CSMD1: variants seen among roughly 807,000 people sequenced by gnomAD.
CSMD1 encodes the protein CUB and Sushi multiple domains 1.
Under a neutral mutation model 417.5 loss-of-function variants are expected in CSMD1, and 213 were observed. The ratio of observed to expected loss-of-function variants is 0.51; its 90% CI spans 0.46 to 0.57. The LOEUF (loss-of-function observed/expected upper bound fraction) is 0.57. Ranked by LOEUF, CSMD1 falls within the 20% of genes least tolerant of loss-of-function variation. The probability of loss-of-function intolerance (pLI) is 0.00; values close to 1 mark genes in which losing one functional copy is unlikely to be tolerated. For synonymous variants in CSMD1, 2,862 were observed against 1,736.8 expected (o/e 1.65, Z -16.11); for missense variants, 6,923 against 4,529.7 (o/e 1.53, Z -15.17).
intron 3 of CSMD1, among the ~76,000 whole-genome samples, chr8:4,293,485 C>G (rs1189237570): frequency 6.6e-6 from 1 of 152,154 alleles, no homozygotes; most frequent in Non-Finnish European, 1.5e-5. Context: ...ATATCTAGCT[C>G]AGTATGCGTT....
intron 26 of CSMD1, among the ~76,000 whole-genome samples, chr8:3,240,960 T>C (rs1479330953): frequency 4.0e-5 from 6 of 151,778 alleles, no homozygotes; most frequent in African/African-American, 1.5e-4. Context: ...GGATGGGATA[T>C]TGGCATTGAG....
intron 3 of CSMD1, among the ~76,000 whole-genome samples, chr8:4,249,833 G>A (rs1056809097): frequency 6.6e-6 from 1 of 152,130 alleles, no homozygotes; most frequent in East Asian, 1.9e-4. Context: ...TGGTGCTGTG[G>A]TTTGAATGTG....
At chr8:2,976,405 C>T (rs1804931369) in intron 55 of CSMD1, among the ~76,000 whole-genome samples, 1 of 152,112 alleles carries the variant, frequency 6.6e-6, no homozygotes, top group Non-Finnish European at 1.5e-5. Context: ...GTTTGCTGGC[C>T]AGCCTGGAGT....
intron 2 of CSMD1, among the ~76,000 whole-genome samples, chr8:4,433,987 A>C (rs540236103): frequency 2.0e-5 from 3 of 152,216 alleles, no homozygotes. Context: ...TTTTCTCTTC[A>C]GCCTCAAGAT....
At chr8:2,976,745 G>T (rs1028256596) in intron 55 of CSMD1, among the ~76,000 whole-genome samples, 1 of 152,160 alleles carries the variant, frequency 6.6e-6, no homozygotes, top group Admixed American at 6.5e-5. Context: ...AGACTAAAGA[G>T]AGTAACACCT....
chr8:3,758,099 G>A (rs1797767703), intron 5 of CSMD1, among the ~76,000 whole-genome samples: 1 of 151,994 alleles, frequency 6.6e-6, no homozygotes, highest in African/African-American at 2.4e-5. Flanking sequence ...GAGTAGCTGG[G>A]ATTACAGGCA....
intron 3 of CSMD1, among the ~76,000 whole-genome samples, chr8:4,186,793 C>T (rs1372139143): frequency 1.3e-5 from 2 of 151,102 alleles, no homozygotes; most frequent in African/African-American, 4.9e-5. Context: ...TCAAGACCAG[C>T]CTGGTCTACA....
intron 1 of CSMD1, among the ~76,000 whole-genome samples, chr8:4,916,437 G>T (rs1017805621): frequency 1.3e-5 from 2 of 152,210 alleles, no homozygotes; most frequent in Non-Finnish European, 2.9e-5. Context: ...TCATTTACAT[G>T]AAATCAATTG....
intron 10 of CSMD1, among the ~76,000 whole-genome samples, chr8:3,522,289 C>G (rs1190845178): frequency 6.6e-6 from 1 of 152,042 alleles, no homozygotes; most frequent in Non-Finnish European, 1.5e-5. Context: ...TTTTTATTGG[C>G]AACTACGAAG....
intron 5 of CSMD1, among the ~76,000 whole-genome samples, chr8:3,928,421 C>A (rs1206984975): frequency 2.6e-5 from 4 of 152,112 alleles, no homozygotes; most frequent in Non-Finnish European, 5.9e-5. Context: ...AGCAATGAGT[C>A]CTAACTTTTC....
intron 3 of CSMD1, among the ~76,000 whole-genome samples, chr8:4,096,534 G>A (rs1351886771): frequency 4.6e-5 from 7 of 151,798 alleles, no homozygotes; most frequent in African/African-American, 1.5e-4. Context: ...AACTGAGAAT[G>A]TTAAATCCTT....
chr8:3,094,972 T>C (rs1167272464), intron 47 of CSMD1, among the ~76,000 whole-genome samples: 1 of 152,144 alleles, frequency 6.6e-6, no homozygotes, highest in East Asian at 1.9e-4. Flanking sequence ...TTCTGATAAT[T>C]TTGACAGCAA....
chr8:4,185,331 C>G (rs896309412), intron 3 of CSMD1, among the ~76,000 whole-genome samples: 6 of 151,930 alleles, frequency 3.9e-5, no homozygotes, highest in African/African-American at 1.5e-4. Flanking sequence ...AAAGGGCTCA[C>G]AATAGTTTTG....
intron 54 of CSMD1, among the ~76,000 whole-genome samples, chr8:2,997,102 T>C (rs1806968915): frequency 6.6e-6 from 1 of 152,222 alleles, no homozygotes; most frequent in Non-Finnish European, 1.5e-5. Context: ...TTCTGCACTG[T>C]GGTTAGTTGA....
chr8:3,957,033 T>C (rs1391790596), intron 5 of CSMD1, among the ~76,000 whole-genome samples: 1 of 152,002 alleles, frequency 6.6e-6, no homozygotes. Flanking sequence ...GACAGGCCTA[T>C]CTCAGAAGGA....
chr8:3,293,186 G>T (rs369682328), intron 25 of CSMD1, among the ~76,000 whole-genome samples: 1 of 152,126 alleles, frequency 6.6e-6, no homozygotes, highest in African/African-American at 2.4e-5. Context: ...AGTTTTTGCC[G>T]AGAGATCCGC....
chr8:3,982,890 C>G (rs1312341751), intron 5 of CSMD1, among the ~76,000 whole-genome samples: 1 of 152,188 alleles, frequency 6.6e-6, no homozygotes, highest in Admixed American at 6.5e-5. Flanking sequence ...CGTTTCCTAC[C>G]CTTGCCTTTA....
intron 5 of CSMD1, among the ~76,000 whole-genome samples, chr8:3,784,773 A>G (rs1799361714): frequency 6.6e-6 from 1 of 152,230 alleles, no homozygotes; most frequent in Admixed American, 6.5e-5. Flanking sequence ...ACAATTAGCA[A>G]TTCCACTCAT....
chr8:4,402,811 T>C (rs1235875325), intron 3 of CSMD1, among the ~76,000 whole-genome samples: 24 of 67,334 alleles, frequency 3.6e-4, no homozygotes, highest in African/African-American at 9.5e-4. Context: ...TTTTTTTTTT[T>C]TTTTTTTTTC....
Sources: gnomAD v4.1 joint callset for allele counts (sites outside exome capture counted in the v4.1 genomes callset) on GRCh38, gnomAD v4.1.1 for gene constraint, MANE v1.5 for transcripts, NCBI Gene and HGNC (gene_info 2026-07-23, HGNC 2026-07-21) for gene names.